GDF5: variants seen among roughly 807,000 people sequenced by gnomAD.
GDF5 encodes growth differentiation factor 5.
A neutral mutation model predicts 34.6 loss-of-function variants in GDF5; 17 were observed. The ratio of observed to expected loss-of-function variants is 0.49; its 90% CI spans 0.34 to 0.74. The LOEUF (loss-of-function observed/expected upper bound fraction) is 0.74. GDF5 is among the 30% of genes least tolerant of loss of function. The probability of loss-of-function intolerance (pLI) is 0.01; values close to 1 mark genes in which losing one functional copy is unlikely to be tolerated. For synonymous variants in GDF5, 332 were observed against 290.7 expected (o/e 1.14, Z -1.44); for missense variants, 616 against 661.2 (o/e 0.93, Z 0.75).
intron 1 of GDF5, chr20:35,454,100 A>T (rs1478967102): frequency 4.2e-6 from 2 of 471,546 alleles, no homozygotes; most frequent in Admixed American, 2.5e-5. Context: ...ATTGAGAACC[A>T]CTGAGTGCAA....
upstream of GDF5, among the ~76,000 whole-genome samples, chr20:35,440,939 T>C (rs541754283): frequency 6.7e-4 from 102 of 152,208 alleles, no homozygotes; most frequent in Non-Finnish European, 1.3e-3. Flanking sequence ...CATCATTTTC[T>C]ACTTTGAGGT....
chr20:35,434,621 A>G lies in GDF5; in HGVS notation c.794T>C (p.Leu265Pro), dbSNP rs1476648598. Residue 265 changes from leucine (L) to proline (P), a missense_variant, in exon 2 of 2, where the codon CTG (leucine) becomes CCG (proline). Coordinates refer to ENST00000374369, the MANE Select transcript of GDF5 (RefSeq NM_000557.5). ...PGGGRAAQLK[L>P]SSCPSGRQPA... ...CTGCCGGCCGCTGGGGCAGCTGGAC[A>G]GCTTCAGCTGGGCAGCCCGCCCGCC... is the stretch of plus-strand genomic sequence containing the variant. 1 of 1,602,264 alleles carries G rather than the reference A, an allele frequency of 6.2e-7. No homozygotes were observed. The highest frequency in any genetic ancestry group is 8.5e-7 in the Non-Finnish European group (1 of 1,172,000).
rs765561798 is a variant in GDF5, at chr20:35,434,322, C to T, written c.1093G>A (p.Asp365Asn). ...AGGTACTCATACACGGTCTTATCGTCCTGGCCAGAGCGGGCCTTAATCTCA... is the reference window on the plus strand; with the variant it reads ...AGGTACTCATACACGGTCTTATCGTTCTGGCCAGAGCGGGCCTTAATCTCA... The part of the protein sequence containing the change: ...FNEIKARSGQ[D>N]DKTVYEYLFS... Residue 365 changes from aspartate (D) to asparagine (N), a missense_variant, in exon 2 of 2, where the codon GAC (aspartate) becomes AAC (asparagine). By Grantham distance (23) the Asp-to-Asn change is conservative. Transcript: ENST00000374369. 45 of 1,613,984 alleles carry T rather than the reference C, an allele frequency of 2.8e-5. No individual in the cohort carries two copies. Among genetic ancestry groups the T allele is most frequent in the East Asian group, 4.5e-5 (2 of 44,900 alleles).
upstream of GDF5, among the ~76,000 whole-genome samples, chr20:35,438,601 C>A (rs766700146): frequency 1.1e-4 from 16 of 152,218 alleles, no homozygotes; most frequent in Non-Finnish European, 1.8e-4. Context: ...TGCAGCGGGA[C>A]TCTAGGCTTA....
intron 1 of GDF5, chr20:35,454,592 C>CTGTGG (rs2062560172): frequency 1.3e-5 from 2 of 154,076 alleles, no homozygotes; most frequent in Admixed American, 1.3e-4. Flanking sequence ...AGGTAACACT[C>CTGTGG]TGTGCAGAGA....
Position 35,437,551 on chromosome 20 carries a change from T to C in GDF5, c.378A>G (p.Gly126=). The C allele has an allele frequency of 6.2e-7, 1 of 1,614,138 alleles. No homozygotes were observed. The highest frequency in any genetic ancestry group is 2.2e-5 in the East Asian group (1 of 44,870). Reference sequence around the variant, plus strand: ...GGGGTGCCTTGCCTCCGGGAAGCTGTCCTTTTGGGGTCACAGTCCGGGCTG... The same window carrying C: ...GGGGTGCCTTGCCTCCGGGAAGCTGCCCTTTTGGGGTCACAGTCCGGGCTG... ...QATARTVTPK[G]QLPGGKAPPK... The change falls in exon 1 of 2, where the codon GGA becomes GGG. Residue 126 remains glycine, a synonymous_variant. Coordinates refer to ENST00000374369, the MANE Select transcript of GDF5 (RefSeq NM_000557.5).
In GDF5 at chr20:35,437,567, G is replaced by A. The variant is rs750789307; in HGVS notation, c.362C>T (p.Thr121Ile). 2.0e-5 allele frequency: 33 copies of A among 1,614,052 alleles called. No homozygotes were observed. Among genetic ancestry groups the A allele is most frequent in the Non-Finnish European group, 2.5e-5 (30 of 1,180,028 alleles). Residue 121 changes from threonine to isoleucine, a missense_variant, in exon 1 of 2, where the codon ACT (threonine) becomes ATT (isoleucine). By Grantham distance (89) the Thr-to-Ile change is moderately conservative (BLOSUM62 -1). Coordinates refer to ENST00000374369, the MANE Select transcript of GDF5 (RefSeq NM_000557.5). ...PPQTRQATAR[T>I]VTPKGQLPGG... ...GGGAAGCTGTCCTTTTGGGGTCACA[G>A]TCCGGGCTGTAGCCTGCCTTGTTTG...
Position 35,433,441 on chromosome 20 carries a change from C to T in GDF5, c.*468G>A, listed in dbSNP as rs79051206. On this transcript the variant is annotated 3_prime_UTR_variant, in exon 2 of 2. Transcript: ENST00000374369. ...TCCTCAACTCTATCCAAGCCCTCTC[C>T]TCTTCTCTCCCACTCTTGCCCAGTC... The T allele has an allele frequency of 4.0e-3, 1,299 of 324,166 alleles. 18 individuals carry two copies. The highest frequency in any genetic ancestry group is 0.026 in the African/African-American group (1,209 of 46,472). 20.1% of individuals were successfully genotyped at this position (324,166 alleles called of 1,614,324 possible). A position where few individuals can be genotyped will look rare whatever the true frequency, so the allele number is the denominator to read the frequency against.
upstream of GDF5, chr20:35,438,389 C>CACACACAA (rs1429966201): frequency 5.3e-6 from 1 of 187,304 alleles, no homozygotes; most frequent in African/African-American, 2.4e-5. Flanking sequence ...CACACACACA[C>CACACACAA]ACTCACAGGC....
chr20:35,438,358 T>TCATACA (rs2062484384), upstream of GDF5: 1 of 159,834 alleles, frequency 6.3e-6, no homozygotes, highest in African/African-American at 2.6e-5. Context: ...TGAAAATACT[T>TCATACA]CACACACACA....
At position 35,434,036 on chromosome 20, in the gene GDF5, G is replaced by A. The variant is rs969983573; in HGVS notation, c.1379C>T (p.Ser460Phe). 6.2e-7 allele frequency: 1 copy of A among 1,614,176 alleles called. No individual in the cohort carries two copies. Among genetic ancestry groups the A allele is most frequent in the Admixed American group, 1.7e-5 (1 of 60,026 alleles). The change falls in exon 2 of 2, where the codon TCC becomes TTC. Residue 460 changes from serine (S) to phenylalanine (F), a missense_variant. By Grantham distance (155) the Ser-to-Phe change is radical (BLOSUM62 -2). Coordinates refer to ENST00000374369, the MANE Select transcript of GDF5 (RefSeq NM_000557.5). ...GGGCACACAGCAGGTGGGTGGTGTG[G>A]ACTCGGGGTCCATGGAGTTCATCAG... ...QTLMNSMDPE[S>F]TPPTCCVPTR...
upstream of GDF5, among the ~76,000 whole-genome samples, chr20:35,442,826 A>G (rs1370263591): frequency 6.6e-6 from 1 of 152,112 alleles, no homozygotes; most frequent in Non-Finnish European, 1.5e-5. Flanking sequence ...GATTACAGGC[A>G]TGAGCCACCA....
upstream of GDF5, among the ~76,000 whole-genome samples, chr20:35,439,196 G>T (rs1354527854): frequency 6.6e-6 from 1 of 150,664 alleles, no homozygotes; most frequent in Admixed American, 6.6e-5. Context: ...GGCAGCAGCG[G>T]CCCCTACAGG....
chr20:35,448,413 A>AAAAT (rs1236837477), intron 1 of GDF5, among the ~76,000 whole-genome samples: 1 of 96,478 alleles, frequency 1.0e-5, no homozygotes, highest in African/African-American at 4.0e-5. Flanking sequence ...AAAAAAAAAA[A>AAAAT]ATATATATAT....
At position 35,437,342 on chromosome 20, in the gene GDF5, G is replaced by C; in HGVS notation, c.587C>G (p.Ala196Gly). The change falls in exon 1 of 2, where the codon GCT becomes GGT. Residue 196 changes from alanine to glycine, a missense_variant. By Grantham distance (60) the Ala-to-Gly change is moderately conservative. Coordinates refer to ENST00000374369, the MANE Select transcript of GDF5 (RefSeq NM_000557.5). ...GCTGGTGATGGTGTTGGCCAGGCCAGCCTCCAACTTCACGCTGCTGTTGCC... is the reference window on the plus strand; with the variant it reads ...GCTGGTGATGGTGTTGGCCAGGCCACCCTCCAACTTCACGCTGCTGTTGCC... ...KGGNSSVKLE[A>G]GLANTITSFI... 1.9e-6 allele frequency: 3 copies of C among 1,613,456 alleles called. No homozygotes were observed. Among genetic ancestry groups the C allele is most frequent in the Non-Finnish European group, 2.5e-6 (3 of 1,179,636 alleles).
At chr20:35,445,245 C>T (rs1194470857) in intron 1 of GDF5, among the ~76,000 whole-genome samples, 1 of 152,100 alleles carries the variant, frequency 6.6e-6, no homozygotes, top group Non-Finnish European at 1.5e-5. Context: ...GCTGGGCAAA[C>T]CGGTAAAAAC....
At position 35,433,542 on chromosome 20, in the gene GDF5, C is replaced by G; in HGVS notation, c.*367G>C. The G allele has an allele frequency of 5.6e-6, 2 of 356,278 alleles. No homozygotes were observed. Among genetic ancestry groups the G allele is most frequent in the South Asian group, 2.3e-5 (1 of 43,798 alleles). 22.1% of individuals were successfully genotyped at this position (356,278 alleles called of 1,614,324 possible). ...TGAGGAGGCAGTGGCACCTGTGGCT[C>G]TCCTGAGAGGTGCTTAGGAGAGTCC... is the stretch of plus-strand genomic sequence containing the variant. On this transcript the variant is annotated 3_prime_UTR_variant, in exon 2 of 2. Transcript: ENST00000374369.
At chr20:35,439,908 CTTTTT>C (rs34397706), upstream of GDF5, among the ~76,000 whole-genome samples, 8 of 71,634 alleles carry the variant, frequency 1.1e-4, no homozygotes, top group African/African-American at 1.6e-4. Context: ...AGGCTTCCTT[CTTTTT>C]TTTTTTTTTT....
intron 1 of GDF5, among the ~76,000 whole-genome samples, chr20:35,436,985 A>G (rs775197979): frequency 2.3e-4 from 35 of 152,324 alleles, no homozygotes; most frequent in Middle Eastern, 3.4e-3. Context: ...TGCACAACTG[A>G]GCAATCAAGT....
Sources: allele counts gnomAD v4.1 joint callset (sites outside exome capture counted in the v4.1 genomes callset), GRCh38; gene constraint gnomAD v4.1.1; transcripts MANE v1.5; gene names NCBI Gene and HGNC (gene_info 2026-07-23, HGNC 2026-07-21).